The following RSL1D1 variants were observed in gnomAD, a reference collection of about 807,000 sequenced individuals.
RSL1D1 encodes ribosomal L1 domain containing 1.
RSL1D1 carries 34 observed loss-of-function variants against 44.6 expected under a neutral mutation model. That is an observed-to-expected ratio of 0.76 (90% confidence interval 0.58 to 1.02). The LOEUF (loss-of-function observed/expected upper bound fraction) is 1.02, where lower values mean the gene tolerates loss of function less well. Ranked by LOEUF, RSL1D1 falls within the 50% of genes least tolerant of loss-of-function variation. The pLI is 0.00. For synonymous variants in RSL1D1, 271 were observed against 207.4 expected, an observed-to-expected ratio of 1.31 and a Z score of -2.63; for missense variants, 767 against 568.1, an observed-to-expected ratio of 1.35 and a Z score of -3.56.
At chr16:11,843,964 A>C (rs1277480032) in intron 5 of RSL1D1, among the ~76,000 whole-genome samples, 1 of 151,412 alleles carries the variant, frequency 6.6e-6, no homozygotes, top group African/African-American at 2.4e-5. Context: ...CCTTCAGGTG[A>C]AACAGAGTGC....
chr16:11,851,054 T>G (rs1479086390), intron 1 of RSL1D1: 1 of 367,876 alleles, frequency 2.7e-6, no homozygotes, highest in Admixed American at 3.9e-5. Context: ...CTCCCGATCC[T>G]GGATAACGGG....
At chr16:11,849,835 C>T (rs183041612) in intron 2 of RSL1D1, among the ~76,000 whole-genome samples, 15 of 152,144 alleles carry the variant, frequency 9.9e-5, no homozygotes, top group Admixed American at 4.6e-4. Context: ...TGAATTTCTA[C>T]GGTTCTTTTA....
rs1444338005 is a variant in RSL1D1 at position 11,834,430 on chromosome 16, C to T, written c.*3357G>A. The T allele has an allele frequency of 2.0e-5, 3 of 152,194 alleles. No individual in the cohort carries two copies. The highest frequency in any genetic ancestry group is 2.9e-5 in the Non-Finnish European group (2 of 68,018). The allele number at this position is 152,194 out of a possible 1,614,324, so 9.4% of individuals were successfully genotyped here. Reference sequence around the variant, plus strand: ...ATTAGAATGAAACTAGATGCAAGAACAGGAAAGTAAACACCTGTGTCATGT... The same window carrying T: ...ATTAGAATGAAACTAGATGCAAGAATAGGAAAGTAAACACCTGTGTCATGT... On this transcript the variant is annotated 3_prime_UTR_variant, in exon 9 of 9. Transcript: ENST00000571133.
Position 11,836,138 on chromosome 16 carries a change from A to C in RSL1D1, c.*1649T>G, listed in dbSNP as rs146144845. The C allele has an allele frequency of 2.3e-4, 35 of 152,280 alleles. 1 individual carries two copies. Among genetic ancestry groups the C allele is most frequent in the African/African-American group, 8.2e-4 (34 of 41,532 alleles). 9.4% of individuals were successfully genotyped at this position (152,280 alleles called of 1,614,324 possible). A position where few individuals can be genotyped will look rare whatever the true frequency, so the allele number is the denominator to read the frequency against. On this transcript the variant is annotated 3_prime_UTR_variant, in exon 9 of 9. Coordinates refer to ENST00000571133, the MANE Select transcript of RSL1D1 (RefSeq NM_015659.3). ...TGCAAGGTGCCCTTCTGACCTTCAC[A>C]TTCTCACCATCTGTTTCTTTGTTGG...
intron 5 of RSL1D1, among the ~76,000 whole-genome samples, chr16:11,844,730 C>T (rs909854541): frequency 6.6e-6 from 1 of 152,196 alleles, no homozygotes; most frequent in Non-Finnish European, 1.5e-5. Flanking sequence ...TGGGGAATCT[C>T]TGGGTGGAAG....
Sources: gnomAD v4.1 joint callset for allele counts (sites outside exome capture counted in the v4.1 genomes callset) on GRCh38, gnomAD v4.1.1 for gene constraint, MANE v1.5 for transcripts, NCBI Gene and HGNC (gene_info 2026-07-23, HGNC 2026-07-21) for gene names.